Variants in SGCD observed in about 807,000 individuals in gnomAD.
SGCD encodes sarcoglycan delta.
In SGCD, 18 loss-of-function variants were observed where a neutral mutation model predicts 36.6. The observed-to-expected ratio is 0.49, with a 90% CI of 0.34 to 0.73. The LOEUF is 0.73. Ranked by LOEUF, SGCD falls within the 30% of genes least tolerant of loss-of-function variation. The probability of loss-of-function intolerance (pLI) is 0.01; values close to 1 mark genes in which losing one functional copy is unlikely to be tolerated. For synonymous variants in SGCD, 133 were observed against 130.6 expected, an observed-to-expected ratio of 1.02 and a Z score of -0.12; for missense variants, 387 against 346.7, an observed-to-expected ratio of 1.12 and a Z score of -0.92.
intron 3 of SGCD, among the ~76,000 whole-genome samples, chr5:156,390,276 A>T (rs1401846383): frequency 1.3e-5 from 2 of 152,152 alleles, no homozygotes; most frequent in African/African-American, 4.8e-5. Context: ...TCAGAACAAG[A>T]CATTGTCATC....
At chr5:156,089,819 C>A (rs76490600) in intron 1 of SGCD, among the ~76,000 whole-genome samples, 32,861 of 152,088 alleles carry the variant, frequency 0.22, 3,817 homozygotes, top group Middle Eastern at 0.26. Context: ...ATTAGGTTGG[C>A]AAGAGTATCT....
At chr5:156,552,733 AC>A (rs1758849097) in intron 4 of SGCD, among the ~76,000 whole-genome samples, 1 of 152,218 alleles carries the variant, frequency 6.6e-6, no homozygotes, top group African/African-American at 2.4e-5. Context: ...TGATAATAAT[AC>A]CAATAAAAGT....
intron 7 of SGCD, among the ~76,000 whole-genome samples, chr5:156,687,790 A>G (rs891725879): frequency 1.3e-5 from 2 of 152,222 alleles, no homozygotes; most frequent in African/African-American, 4.8e-5. Flanking sequence ...AGGGAACAAC[A>G]GCCTTGCTTC....
chr5:155,793,094 T>A, the SGCD span, among the ~76,000 whole-genome samples: 72 of 152,200 alleles, frequency 4.7e-4, no homozygotes, highest in African/African-American at 1.4e-3. Flanking sequence ...TGAAATCATA[T>A]CCTTGGAAAC....
intron 3 of SGCD, among the ~76,000 whole-genome samples, chr5:156,291,417 T>C (rs1434977949): frequency 6.6e-6 from 1 of 151,948 alleles, no homozygotes; most frequent in Non-Finnish European, 1.5e-5. Flanking sequence ...AATGAATCAA[T>C]AAAATGAGCA....
intron 3 of SGCD, among the ~76,000 whole-genome samples, chr5:156,410,781 T>C (rs1057190667): frequency 6.6e-6 from 1 of 152,190 alleles, no homozygotes; most frequent in Admixed American, 6.5e-5. Context: ...CTAGTATCCC[T>C]TACATGAGCT....
intron 3 of SGCD, among the ~76,000 whole-genome samples, chr5:156,449,164 A>G (rs1753879851): frequency 6.7e-6 from 1 of 149,328 alleles, no homozygotes; most frequent in African/African-American, 2.6e-5. Flanking sequence ...TCAGCTCCTA[A>G]CTGTGTGTTC....
At chr5:156,056,181 A>T (rs974384428) in intron 1 of SGCD, among the ~76,000 whole-genome samples, 2 of 145,830 alleles carry the variant, frequency 1.4e-5, no homozygotes, top group African/African-American at 4.9e-5. Context: ...ACTCCATCTT[A>T]CTTCTAACCT....
intron 1 of SGCD, among the ~76,000 whole-genome samples, chr5:155,914,865 A>C (rs998468195): frequency 6.6e-6 from 1 of 152,344 alleles, no homozygotes. Flanking sequence ...CTTTGAAATC[A>C]TGCAATTCTT....
chr5:156,088,779 C>T (rs2127593535), intron 1 of SGCD, among the ~76,000 whole-genome samples: 1 of 152,266 alleles, frequency 6.6e-6, no homozygotes, highest in South Asian at 2.1e-4. Flanking sequence ...AAAAATAGGG[C>T]TTTACTTATT....
intron 3 of SGCD, among the ~76,000 whole-genome samples, chr5:156,388,895 C>A (rs1215767552): frequency 2.0e-5 from 3 of 152,136 alleles, no homozygotes; most frequent in African/African-American, 7.2e-5. Flanking sequence ...TCAATGCCAG[C>A]CTTGTAAAAT....
intron 3 of SGCD, among the ~76,000 whole-genome samples, chr5:156,208,428 T>G (rs1350965067): frequency 6.6e-6 from 1 of 152,218 alleles, no homozygotes; most frequent in East Asian, 1.9e-4. Flanking sequence ...TGCCAGGAAC[T>G]AGCATTCTGA....
chr5:156,677,228 C>T (rs910553306), intron 7 of SGCD, among the ~76,000 whole-genome samples: 12 of 152,086 alleles, frequency 7.9e-5, no homozygotes, highest in East Asian at 1.9e-4. Flanking sequence ...ATGTTTATTG[C>T]GGCACTATTC....
the SGCD span, among the ~76,000 whole-genome samples, chr5:155,809,123 C>CA: frequency 1.3e-5 from 2 of 152,192 alleles, no homozygotes; most frequent in Non-Finnish European, 1.5e-5. Flanking sequence ...ACTGTCCCTT[C>CA]TGAACTGTTC....
intron 1 of SGCD, among the ~76,000 whole-genome samples, chr5:156,114,221 A>T (rs1258168764): frequency 6.6e-6 from 1 of 152,100 alleles, no homozygotes; most frequent in Non-Finnish European, 1.5e-5. Flanking sequence ...TTGGTGGGTT[A>T]TGCTGTGCAT....
intron 4 of SGCD, among the ~76,000 whole-genome samples, chr5:156,564,849 T>C (rs185710410): frequency 3.3e-5 from 5 of 152,348 alleles, no homozygotes; most frequent in African/African-American, 1.2e-4. Context: ...TAAGACTGAA[T>C]AATATTCCTT....
intron 3 of SGCD, among the ~76,000 whole-genome samples, chr5:156,462,385 A>G (rs567597343): frequency 6.6e-6 from 1 of 152,320 alleles, no homozygotes; most frequent in South Asian, 2.1e-4. Context: ...AATTCACATT[A>G]TATAACCTTA....
intron 3 of SGCD, among the ~76,000 whole-genome samples, chr5:156,174,158 G>T (rs922029441): frequency 6.6e-6 from 1 of 151,372 alleles, no homozygotes; most frequent in Non-Finnish European, 1.5e-5. Context: ...GAATCTGAGG[G>T]GTGGAACTCT....
intron 4 of SGCD, among the ~76,000 whole-genome samples, chr5:156,561,378 A>G (rs1486095701): frequency 1.3e-5 from 2 of 152,242 alleles, no homozygotes; most frequent in Non-Finnish European, 2.9e-5. Context: ...TTGCCTGAAT[A>G]AATTAAAAAT....
Sources: gnomAD v4.1 joint callset for allele counts (sites outside exome capture counted in the v4.1 genomes callset) on GRCh38, gnomAD v4.1.1 for gene constraint, MANE v1.5 for transcripts, NCBI Gene and HGNC (gene_info 2026-07-23, HGNC 2026-07-21) for gene names.